Variants in TAFA1 observed in about 807,000 individuals in gnomAD.
The protein encoded by TAFA1 is chemokine-like protein TAFA-1.
A neutral mutation model predicts 18.5 loss-of-function variants in TAFA1; 4 were observed. The ratio of observed to expected loss-of-function variants is 0.22; its 90% CI spans 0.11 to 0.49. The LOEUF (loss-of-function observed/expected upper bound fraction) is 0.49, where lower values mean the gene tolerates loss of function less well. Among genes scored for constraint, TAFA1 ranks in the 20% least tolerant of loss-of-function variants. The pLI is 0.98. For synonymous variants in TAFA1, 56 were observed against 55.2 expected, an observed-to-expected ratio of 1.01 and a Z score of -0.06; for missense variants, 147 against 169.0, an observed-to-expected ratio of 0.87 and a Z score of 0.72.
intron 2 of TAFA1, among the ~76,000 whole-genome samples, chr3:68,227,985 A>G (rs1460171435): frequency 6.6e-6 from 1 of 152,200 alleles, no homozygotes; most frequent in Non-Finnish European, 1.5e-5. Flanking sequence ...AAAACAGCCC[A>G]GGGTGCAACT....
intron 2 of TAFA1, among the ~76,000 whole-genome samples, chr3:68,411,307 T>G (rs1049940326): frequency 6.6e-6 from 1 of 152,212 alleles, no homozygotes; most frequent in Non-Finnish European, 1.5e-5. Flanking sequence ...ACAAGCATAC[T>G]ATACTCTGTA....
chr3:68,476,007 GT>G (rs1442626791), intron 3 of TAFA1, among the ~76,000 whole-genome samples: 2 of 152,090 alleles, frequency 1.3e-5, no homozygotes, highest in African/African-American at 4.8e-5. Context: ...TGATGGGATT[GT>G]TTGTTTTTTT....
intron 3 of TAFA1, among the ~76,000 whole-genome samples, chr3:68,439,412 C>CATACATATATATATATATATATATAT (rs1264523262): frequency 5.4e-5 from 4 of 73,424 alleles, no homozygotes; most frequent in African/African-American, 2.8e-4. Context: ...TATATACATA[C>CATACATATATATATATATATATATAT]ATATATATAT....
rs1458216704 is a variant in TAFA1 at position 68,417,145 on chromosome 3, G to T, written c.119-135G>T. ...ATTACACGTAGTAGAAGAGAGTCCTGTTGTAATTGTATTTCATGGAAACTG... is the reference window on the plus strand; with the variant it reads ...ATTACACGTAGTAGAAGAGAGTCCTTTTGTAATTGTATTTCATGGAAACTG... On this transcript the variant is annotated intron_variant, in intron 2 of 4. Coordinates refer to ENST00000478136, the MANE Select transcript of TAFA1 (RefSeq NM_213609.4). 4 of 678,952 alleles carry T rather than the reference G, an allele frequency of 5.9e-6. No homozygotes were observed. The East Asian group carries it at 1.1e-4, about 18-fold the overall frequency. 42.1% of individuals were successfully genotyped at this position (678,952 alleles called of 1,614,324 possible). A position where few individuals can be genotyped will look rare whatever the true frequency, so the allele number is the denominator to read the frequency against.
the TAFA1 span, among the ~76,000 whole-genome samples, chr3:67,993,592 G>A: frequency 6.6e-6 from 1 of 152,168 alleles, no homozygotes. Context: ...TACTACAGGG[G>A]GAAAAATAAA....
In TAFA1 at chr3:68,545,280, C is replaced by A. The variant is rs1392381817; in HGVS notation, c.*777C>A. ...AAGAAAATGAGGATTCTTAAGGGAG[C>A]CACTCCACCATGCTATTAAGACTCT... On this transcript the variant is annotated 3_prime_UTR_variant, in exon 5 of 5. Transcript: ENST00000478136. 6.6e-6 allele frequency: 1 copy of A among 152,514 alleles called. No individual in the cohort carries two copies. Among genetic ancestry groups the A allele is most frequent in the Non-Finnish European group, 1.5e-5 (1 of 68,024 alleles). The allele number at this position is 152,514 out of a possible 1,614,324, so 9.4% of individuals were successfully genotyped here.
chr3:68,284,334 T>C (rs2067957648), intron 2 of TAFA1, among the ~76,000 whole-genome samples: 2 of 152,170 alleles, frequency 1.3e-5, no homozygotes, highest in African/African-American at 4.8e-5. Flanking sequence ...TATAAAAGAA[T>C]GATAATATTA....
intron 2 of TAFA1, among the ~76,000 whole-genome samples, chr3:68,079,476 T>C (rs938288287): frequency 3.3e-5 from 5 of 152,216 alleles, no homozygotes; most frequent in Non-Finnish European, 7.3e-5. Context: ...CTCTACACAC[T>C]GCTTTGAATG....
rs555351383 is a variant in TAFA1 at position 68,305,268 on chromosome 3, T to C, written c.119-112012T>C. Among the ~76,000 whole-genome samples the C allele has an allele frequency of 7.9e-5, 12 of 151,268 alleles. No individual in the cohort carries two copies. In the East Asian group the frequency reaches 1.4e-3, roughly 17 times the overall value. ...TGTTTTCTTGTTACATAGCCACCAG[T>C]CATATTGGATTACAGCTCACCCTAA... On this transcript the variant is annotated intron_variant, in intron 2 of 4. Coordinates refer to ENST00000478136, the MANE Select transcript of TAFA1 (RefSeq NM_213609.4).
At chr3:68,374,785 A>G (rs1306197050) in intron 2 of TAFA1, among the ~76,000 whole-genome samples, 2 of 152,120 alleles carry the variant, frequency 1.3e-5, no homozygotes, top group East Asian at 1.9e-4. Context: ...TTCTTGTGAG[A>G]TGAATGTCTC....
Position 68,432,083 on chromosome 3 carries a change from G to C in TAFA1, c.259+14663G>C, listed in dbSNP as rs138951647. Among the ~76,000 whole-genome samples, 391 of 151,992 alleles carry C rather than the reference G, an allele frequency of 2.6e-3. 1 individual carries two copies. The highest frequency in any genetic ancestry group is 8.9e-3 in the African/African-American group (370 of 41,490). On this transcript the variant is annotated intron_variant, in intron 3 of 4. Coordinates refer to ENST00000478136, the MANE Select transcript of TAFA1 (RefSeq NM_213609.4). ...TATTATTATTTTAACCACCAGGGCC[G>C]GATGGTGGTGCCAAGGTCATCTAGC... is the stretch of plus-strand genomic sequence containing the variant.
intron 2 of TAFA1, among the ~76,000 whole-genome samples, chr3:68,238,559 A>T (rs1338371091): frequency 1.3e-5 from 2 of 152,190 alleles, no homozygotes; most frequent in Non-Finnish European, 2.9e-5. Context: ...TTATTTCCTG[A>T]TGATGACAAC....
At chr3:68,236,504 C>T (rs1244278927) in intron 2 of TAFA1, among the ~76,000 whole-genome samples, 2 of 152,144 alleles carry the variant, frequency 1.3e-5, no homozygotes, top group African/African-American at 2.4e-5. Context: ...GTTATTCTAA[C>T]AAGATGCACT....
chr3:68,347,184 T>C (rs1020988518), intron 2 of TAFA1, among the ~76,000 whole-genome samples: 2 of 152,196 alleles, frequency 1.3e-5, no homozygotes, highest in Non-Finnish European at 2.9e-5. Flanking sequence ...CTATTGAGTT[T>C]CTGAATGATT....
intron 3 of TAFA1, among the ~76,000 whole-genome samples, chr3:68,487,487 C>G (rs1189526296): frequency 3.9e-5 from 6 of 152,090 alleles, no homozygotes; most frequent in South Asian, 2.1e-4. Context: ...GTAGCTTACA[C>G]CTGTAATCCT....
intron 2 of TAFA1, among the ~76,000 whole-genome samples, chr3:68,235,467 G>A (rs1174529082): frequency 1.3e-5 from 2 of 152,142 alleles, no homozygotes; most frequent in Non-Finnish European, 2.9e-5. Flanking sequence ...CTAAGAAATA[G>A]GTGGTATTGT....
At position 68,491,503 on chromosome 3, in the gene TAFA1, A is replaced by G. The variant is rs190737835; in HGVS notation, c.260-47253A>G. On this transcript the variant is annotated intron_variant, in intron 3 of 4. Coordinates refer to ENST00000478136, the MANE Select transcript of TAFA1 (RefSeq NM_213609.4). ...GGAATTGAACAATGAGAACACATGG[A>G]CACAGGAAGGGGAACATCACACTCT... 5.4e-5 allele frequency among the ~76,000 whole-genome samples: 7 copies of G among 130,084 alleles called. No individual in the cohort carries two copies. In the East Asian group the frequency reaches 1.7e-3, roughly 32 times the overall value. 85.3% of individuals were successfully genotyped at this position (130,084 alleles called of 152,430 possible). A position where few individuals can be genotyped will look rare whatever the true frequency, so the allele number is the denominator to read the frequency against.
intron 2 of TAFA1, among the ~76,000 whole-genome samples, chr3:68,029,260 T>C (rs557854704): frequency 6.6e-6 from 1 of 152,312 alleles, no homozygotes; most frequent in East Asian, 1.9e-4. Flanking sequence ...ACTACAATTA[T>C]GTCTACATGT....
intron 2 of TAFA1, among the ~76,000 whole-genome samples, chr3:68,294,723 T>C (rs895060669): frequency 2.6e-5 from 4 of 151,556 alleles, no homozygotes; most frequent in Admixed American, 2.0e-4. Flanking sequence ...CTCTACAAAA[T>C]AAAATTAGCT....
Sources: gnomAD v4.1 joint callset for allele counts (sites outside exome capture counted in the v4.1 genomes callset) on GRCh38, gnomAD v4.1.1 for gene constraint, MANE v1.5 for transcripts, NCBI Gene and HGNC (gene_info 2026-07-23, HGNC 2026-07-21) for gene names.